The following KCNQ3 variants were observed in gnomAD, a reference collection of about 807,000 sequenced individuals.
KCNQ3 encodes the protein potassium voltage-gated channel subfamily KQT member 3.
A neutral mutation model predicts 92.5 loss-of-function variants in KCNQ3; 30 were observed. The ratio of observed to expected loss-of-function variants is 0.32; its 90% CI spans 0.24 to 0.44. The LOEUF (loss-of-function observed/expected upper bound fraction) is 0.44, where lower values mean the gene tolerates loss of function less well. KCNQ3 is among the 20% of genes least tolerant of loss of function. The probability of loss-of-function intolerance (pLI) is 1.00; values close to 1 mark genes in which losing one functional copy is unlikely to be tolerated. For synonymous variants in KCNQ3, 450 were observed against 468.8 expected (o/e 0.96, Z 0.52); for missense variants, 913 against 1,140.3 (o/e 0.80, Z 2.87).
At chr8:132,356,622 C>T (rs940049496) in intron 1 of KCNQ3, among the ~76,000 whole-genome samples, 1 of 152,194 alleles carries the variant, frequency 6.6e-6, no homozygotes, top group South Asian at 2.1e-4. Flanking sequence ...GTATAATTAT[C>T]GGCAACAAAG....
intron 1 of KCNQ3, among the ~76,000 whole-genome samples, chr8:132,291,886 AG>A (rs1422487469): frequency 6.6e-6 from 1 of 152,238 alleles, no homozygotes; most frequent in African/African-American, 2.4e-5. Context: ...GGCCTCCATA[AG>A]TTGCAGATAA....
At chr8:132,331,006 G>C (rs949344969) in intron 1 of KCNQ3, among the ~76,000 whole-genome samples, 4 of 152,180 alleles carry the variant, frequency 2.6e-5, no homozygotes, top group Non-Finnish European at 4.4e-5. Context: ...GAACCTGAAT[G>C]TTCCCATTTG....
chr8:132,471,872 G>A (rs1178953767), intron 1 of KCNQ3, among the ~76,000 whole-genome samples: 2 of 152,014 alleles, frequency 1.3e-5, no homozygotes, highest in Non-Finnish European at 2.9e-5. Flanking sequence ...ACTATTCATC[G>A]ACAAGGGACT....
At chr8:132,406,492 C>A (rs1820482242) in intron 1 of KCNQ3, among the ~76,000 whole-genome samples, 1 of 152,010 alleles carries the variant, frequency 6.6e-6, no homozygotes, top group South Asian at 2.1e-4. Context: ...TCCACAATTC[C>A]ATTCCTGAGC....
In KCNQ3 at chr8:132,387,953, GAGA is replaced by G. The variant is rs796693357; in HGVS notation, c.386+92191_386+92193del. 6.6e-4 allele frequency among the ~76,000 whole-genome samples: 99 copies of G among 150,594 alleles called. No individual in the cohort carries two copies. In the South Asian group the frequency reaches 9.3e-3, roughly 14 times the overall value. ...AGAGCAAGACCCTGTGAAGAAGAAG[GAGA>G]AGAAGAAGAAGAAGGAGGAGAAGAG... On this transcript the variant is annotated intron_variant, in intron 1 of 14. Coordinates refer to ENST00000388996, the MANE Select transcript of KCNQ3 (RefSeq NM_004519.4).
chr8:132,294,609 T>C (rs1343688763), intron 1 of KCNQ3, among the ~76,000 whole-genome samples: 1 of 152,202 alleles, frequency 6.6e-6, no homozygotes, highest in Non-Finnish European at 1.5e-5. Flanking sequence ...TGTGGAACGT[T>C]TGGTGAGATA....
At chr8:132,477,662 C>T (rs1822446200) in intron 1 of KCNQ3, among the ~76,000 whole-genome samples, 2 of 152,336 alleles carry the variant, frequency 1.3e-5, no homozygotes, top group South Asian at 4.1e-4. Context: ...CCCACCACCA[C>T]CCCAGTTCAT....
At chr8:132,157,591 G>A (rs7003955) in intron 9 of KCNQ3, among the ~76,000 whole-genome samples, 17,153 of 151,970 alleles carry the variant, frequency 0.11, 1,419 homozygotes, top group African/African-American at 0.23. Context: ...ACTTGGTGAG[G>A]AGTGTTGCCC....
chr8:132,302,485 G>A (rs1189796651), intron 1 of KCNQ3, among the ~76,000 whole-genome samples: 1 of 152,216 alleles, frequency 6.6e-6, no homozygotes, highest in Non-Finnish European at 1.5e-5. Context: ...TTTGCAGTTT[G>A]AGCCACTGCT....
chr8:132,374,797 G>A (rs893531876), intron 1 of KCNQ3, among the ~76,000 whole-genome samples: 3 of 151,936 alleles, frequency 2.0e-5, no homozygotes, highest in African/African-American at 4.8e-5. Context: ...CTGTTCCTGG[G>A]TTAGTTTGCT....
At chr8:132,364,716 G>GATGGATGGATGGATGT (rs1563880180) in intron 1 of KCNQ3, among the ~76,000 whole-genome samples, 1 of 151,784 alleles carries the variant, frequency 6.6e-6, no homozygotes, top group Non-Finnish European at 1.5e-5. Flanking sequence ...TGGATGGATG[G>GATGGATGGATGGATGT]ATGGACGATG....
intron 8 of KCNQ3, among the ~76,000 whole-genome samples, chr8:132,170,021 C>T (rs1427883980): frequency 6.6e-6 from 1 of 152,052 alleles, no homozygotes; most frequent in Non-Finnish European, 1.5e-5. Context: ...TACAGGCACA[C>T]ACCACCACGC....
At chr8:132,215,441 C>T (rs1284268786) in intron 1 of KCNQ3, among the ~76,000 whole-genome samples, 1 of 152,192 alleles carries the variant, frequency 6.6e-6, no homozygotes, top group Non-Finnish European at 1.5e-5. Context: ...GTAGAAGATG[C>T]ATCTCTATTC....
intron 1 of KCNQ3, among the ~76,000 whole-genome samples, chr8:132,403,016 C>CAAAA (rs375099145): frequency 0.5 from 33,852 of 67,526 alleles, 10,855 homozygotes; most frequent in East Asian, 0.83. Flanking sequence ...GGCACCATCA[C>CAAAA]AAAAAAAAAA....
At chr8:132,296,121 A>T (rs116194740) in intron 1 of KCNQ3, among the ~76,000 whole-genome samples, 290 of 152,316 alleles carry the variant, frequency 1.9e-3, no homozygotes, top group African/African-American at 6.5e-3. Flanking sequence ...TTATTTGCCT[A>T]CTTTAATATG....
At chr8:132,277,840 T>G in intron 1 of KCNQ3, 1 of 616,850 alleles carries the variant, frequency 1.6e-6, no homozygotes, top group Non-Finnish European at 2.0e-6. Context: ...AATCTTGCTC[T>G]CTAGAAACCA....
At chr8:132,181,677 G>A (rs959448112) in intron 3 of KCNQ3, among the ~76,000 whole-genome samples, 7 of 152,108 alleles carry the variant, frequency 4.6e-5, no homozygotes, top group African/African-American at 1.7e-4. Context: ...AGCTCATTGA[G>A]CACACATCTC....
intron 1 of KCNQ3, among the ~76,000 whole-genome samples, chr8:132,229,665 C>A (rs1371833067): frequency 1.3e-5 from 2 of 151,880 alleles, no homozygotes; most frequent in Non-Finnish European, 2.9e-5. Flanking sequence ...AAGCCAAAAG[C>A]TGGGCAATTA....
Position 132,215,101 on chromosome 8 carries a change from T to C in KCNQ3, c.387-28920A>G, listed in dbSNP as rs112422825. 6.1e-3 allele frequency among the ~76,000 whole-genome samples: 937 copies of C among 152,364 alleles called. 11 individuals carry two copies. The highest frequency in any genetic ancestry group is 0.019 in the African/African-American group (802 of 41,590). ...TGGCTGGAGAAGGCAGATGGAGCCA[T>C]GCACTCGGGCAGCTTGTAGCTGCAG... On this transcript the variant is annotated intron_variant, in intron 1 of 14. Coordinates refer to ENST00000388996, the MANE Select transcript of KCNQ3 (RefSeq NM_004519.4).
Sources: gnomAD v4.1 joint callset for allele counts (sites outside exome capture counted in the v4.1 genomes callset) on GRCh38, gnomAD v4.1.1 for gene constraint, MANE v1.5 for transcripts, NCBI Gene and HGNC (gene_info 2026-07-23, HGNC 2026-07-21) for gene names.